Variants in BRINP2 observed in about 807,000 individuals in gnomAD.
The protein encoded by BRINP2 is BMP/retinoic acid-inducible neural-specific protein 2.
Under a neutral mutation model 69.2 loss-of-function variants are expected in BRINP2, and 21 were observed. That is an observed-to-expected ratio of 0.30 (90% confidence interval 0.22 to 0.44). The LOEUF is 0.44. Ranked by LOEUF, BRINP2 falls within the 20% of genes least tolerant of loss-of-function variation. The pLI is 1.00. For missense variants in BRINP2, 877 were observed against 986.0 expected (o/e 0.89, Z 1.48); for synonymous variants, 380 against 394.1 (o/e 0.96, Z 0.42).
intron 1 of BRINP2, among the ~76,000 whole-genome samples, chr1:177,215,057 A>C (rs750743117): frequency 6.6e-6 from 1 of 152,210 alleles, no homozygotes; most frequent in Non-Finnish European, 1.5e-5. Context: ...TCATCTCCCC[A>C]GTCTCCCCAG....
chr1:177,214,519 A>G (rs1477944009), intron 1 of BRINP2, among the ~76,000 whole-genome samples: 3 of 152,240 alleles, frequency 2.0e-5, no homozygotes, highest in Non-Finnish European at 4.4e-5. Context: ...CAAATGATGA[A>G]CACAAGTAAA....
chr1:177,193,815 C>T (rs1648661271), intron 1 of BRINP2, among the ~76,000 whole-genome samples: 1 of 152,130 alleles, frequency 6.6e-6, no homozygotes, highest in Non-Finnish European at 1.5e-5. Flanking sequence ...CATGGTGAAA[C>T]TGTGTTTAAA....
At chr1:177,193,200 A>G (rs925139319) in intron 1 of BRINP2, among the ~76,000 whole-genome samples, 3 of 152,112 alleles carry the variant, frequency 2.0e-5, no homozygotes, top group African/African-American at 7.2e-5. Context: ...CAAACTATTT[A>G]TTTCACCTAC....
chr1:177,264,337 C>T lies in BRINP2; in HGVS notation c.669+6953C>T, dbSNP rs773388111. ...AATAATAACAGCTATTTATGACAAA[C>T]CCACAGCCAATATCATACTGAATGG... is the stretch of plus-strand genomic sequence containing the variant. On this transcript the variant is annotated intron_variant, in intron 4 of 7. Coordinates refer to ENST00000361539, the MANE Select transcript of BRINP2 (RefSeq NM_021165.4). Among the ~76,000 whole-genome samples the T allele has an allele frequency of 5.3e-4, 80 of 152,136 alleles. 1 individual carries two copies. The highest frequency in any genetic ancestry group is 1.8e-4 in the Non-Finnish European group (12 of 68,034).
intron 1 of BRINP2, among the ~76,000 whole-genome samples, chr1:177,208,408 A>G (rs1020410490): frequency 6.6e-6 from 1 of 152,224 alleles, no homozygotes; most frequent in African/African-American, 2.4e-5. Flanking sequence ...CCAACAAATG[A>G]GAATAAGTAG....
At chr1:177,228,045 A>G (rs1344199272) in intron 1 of BRINP2, among the ~76,000 whole-genome samples, 2 of 152,180 alleles carry the variant, frequency 1.3e-5, no homozygotes, top group Non-Finnish European at 2.9e-5. Flanking sequence ...CTGGTCATGG[A>G]GCCAGACCTA....
rs1649802305 is a variant in BRINP2 at position 177,229,675 on chromosome 1, C to T, written c.-76-126C>T. ...GTACCTCAAGCACTTAGCTAAATGC[C>T]GAGAACGAAGTTATGTTACTAGCAT... is the stretch of plus-strand genomic sequence containing the variant. On this transcript the variant is annotated intron_variant, in intron 1 of 7. Transcript: ENST00000361539. 9.6e-6 allele frequency: 6 copies of T among 627,768 alleles called. No homozygotes were observed. The South Asian group carries it at 1.3e-4, about 14-fold the overall frequency. The allele number at this position is 627,768 out of a possible 1,614,324, so 38.9% of individuals were successfully genotyped here.
rs1397905293 is a variant in BRINP2 at position 177,257,319 on chromosome 1, T to C, written c.604T>C (p.Phe202Leu). The part of the protein sequence containing the change: ...ETLHQLAASY[F>L]IDRESTLRRL... ...CCTGCACCAGCTGGCCGCCTCCTAC[T>C]TCATCGACAGAGAGAGCACGCTGCG... Residue 202 changes from phenylalanine to leucine, a missense_variant, in exon 4 of 8, where the codon TTC becomes CTC. Transcript: ENST00000361539. 3.1e-6 allele frequency: 5 copies of C among 1,613,952 alleles called. No individual in the cohort carries two copies. In the African/African-American group the frequency reaches 6.7e-5, roughly 22 times the overall value.
chr1:177,203,698 C>T (rs527645620), intron 1 of BRINP2, among the ~76,000 whole-genome samples: 4 of 151,974 alleles, frequency 2.6e-5, no homozygotes, highest in African/African-American at 9.6e-5. Flanking sequence ...TTTTGAGTGC[C>T]GCTTATGTGT....
At position 177,203,148 on chromosome 1, in the gene BRINP2, T is replaced by TA. The variant is rs1200398741; in HGVS notation, c.-76-26647dup. ...TACACCATGGAATACTATGCAGCCA[T>TA]AAAAAATGATGAGTTCATGTCCTTT... On this transcript the variant is annotated intron_variant, in intron 1 of 7. Transcript: ENST00000361539. Among the ~76,000 whole-genome samples the TA allele has an allele frequency of 5.3e-5, 8 of 152,060 alleles. No individual in the cohort carries two copies. In the East Asian group the frequency reaches 5.8e-4, roughly 11 times the overall value.
chr1:177,184,298 G>A (rs1648363234), intron 1 of BRINP2, among the ~76,000 whole-genome samples: 2 of 151,936 alleles, frequency 1.3e-5, no homozygotes, highest in African/African-American at 2.4e-5. Flanking sequence ...CAGTTATTAG[G>A]TCTCCCCTCC....
chr1:177,275,015 A>G (rs947196555), intron 5 of BRINP2: 3 of 424,756 alleles, frequency 7.1e-6, no homozygotes, highest in Non-Finnish European at 1.4e-5. Context: ...AAGAGCTGGC[A>G]GACGTTTGAG....
intron 6 of BRINP2, among the ~76,000 whole-genome samples, chr1:177,276,813 G>T (rs1046573861): frequency 4.6e-5 from 7 of 152,220 alleles, no homozygotes; most frequent in African/African-American, 1.7e-4. Context: ...GGTTCTAGAT[G>T]ACATCCAATA....
At chr1:177,212,727 C>T (rs1013110950) in intron 1 of BRINP2, among the ~76,000 whole-genome samples, 4 of 152,116 alleles carry the variant, frequency 2.6e-5, no homozygotes, top group Non-Finnish European at 5.9e-5. Context: ...CTTTTTCCCC[C>T]AGCTCTGGGT....
intron 1 of BRINP2, among the ~76,000 whole-genome samples, chr1:177,172,545 G>A (rs1647969196): frequency 6.6e-6 from 1 of 152,166 alleles, no homozygotes; most frequent in African/African-American, 2.4e-5. Flanking sequence ...AATCACGGAT[G>A]CCTGGAGTGT....
At chr1:177,186,240 G>A (rs541801645) in intron 1 of BRINP2, among the ~76,000 whole-genome samples, 8 of 152,190 alleles carry the variant, frequency 5.3e-5, no homozygotes, top group African/African-American at 1.9e-4. Flanking sequence ...GAAGGGGCAA[G>A]CTCTATGGAT....
In BRINP2 at chr1:177,257,161, T is replaced by C. The variant is rs775983855; in HGVS notation, c.461-15T>C. 5 of 1,613,580 alleles carry C rather than the reference T, an allele frequency of 3.1e-6. No individual in the cohort carries two copies. In the Admixed American group the frequency reaches 8.3e-5, roughly 27 times the overall value. On this transcript the variant is annotated splice_polypyrimidine_tract_variant and intron_variant, in intron 3 of 7. Coordinates refer to ENST00000361539, the MANE Select transcript of BRINP2 (RefSeq NM_021165.4). The stretch of plus-strand genomic sequence containing the variant: ...GCAGAGAGCGTCACCAATACACTCG[T>C]GTTGTTCACCATAGGAGAAGAGTCC...
chr1:177,209,086 A>T, intron 1 of BRINP2, among the ~76,000 whole-genome samples: 1 of 152,226 alleles, frequency 6.6e-6, no homozygotes, highest in Admixed American at 6.5e-5. Flanking sequence ...TGTTCCGCTC[A>T]ACAACACAGG....
chr1:177,214,251 G>A (rs1649309429), intron 1 of BRINP2, among the ~76,000 whole-genome samples: 1 of 151,988 alleles, frequency 6.6e-6, no homozygotes, highest in Admixed American at 6.5e-5. Flanking sequence ...GTCTGACATG[G>A]TGAAACCCCC....
Sources: gnomAD v4.1 joint callset for allele counts (sites outside exome capture counted in the v4.1 genomes callset) on GRCh38, gnomAD v4.1.1 for gene constraint, MANE v1.5 for transcripts, NCBI Gene and HGNC (gene_info 2026-07-23, HGNC 2026-07-21) for gene names.